STK3: variants seen among roughly 807,000 people sequenced by gnomAD.
The protein encoded by STK3 is serine/threonine kinase 3, also known as serine/threonine-protein kinase 3.
A neutral mutation model predicts 58.0 loss-of-function variants in STK3; 41 were observed. The ratio of observed to expected loss-of-function variants is 0.71; its 90% CI spans 0.55 to 0.92. The LOEUF (loss-of-function observed/expected upper bound fraction) is 0.92. STK3 is among the 40% of genes least tolerant of loss of function. The probability of loss-of-function intolerance (pLI) is 0.00; values close to 1 mark genes in which losing one functional copy is unlikely to be tolerated. For synonymous variants in STK3, 170 were observed against 191.0 expected (o/e 0.89, Z 0.91); for missense variants, 479 against 602.7 (o/e 0.79, Z 2.15).
At chr8:98,653,803 T>C (rs1038465773) in intron 6 of STK3, among the ~76,000 whole-genome samples, 1 of 152,166 alleles carries the variant, frequency 6.6e-6, no homozygotes, top group Non-Finnish European at 1.5e-5. Flanking sequence ...AATCTCTGAA[T>C]AGAACAATAA....
At chr8:98,876,656 C>A (rs1837569620) in intron 3 of STK3, among the ~76,000 whole-genome samples, 1 of 152,154 alleles carries the variant, frequency 6.6e-6, no homozygotes, top group Non-Finnish European at 1.5e-5. Context: ...TCTCTTGAGG[C>A]CAGGATATTA....
At chr8:98,870,030 T>C (rs1837311206) in intron 3 of STK3, among the ~76,000 whole-genome samples, 1 of 152,122 alleles carries the variant, frequency 6.6e-6, no homozygotes, top group Non-Finnish European at 1.5e-5. Context: ...GTGTGTGATG[T>C]TCCCCACCCT....
At chr8:98,835,706 C>T (rs985408574) in intron 3 of STK3, among the ~76,000 whole-genome samples, 1 of 152,210 alleles carries the variant, frequency 6.6e-6, no homozygotes, top group Non-Finnish European at 1.5e-5. Flanking sequence ...CCAGCAAGTT[C>T]TGTCAGCATG....
At chr8:98,550,386 G>A (rs1026286618) in intron 8 of STK3, among the ~76,000 whole-genome samples, 8 of 152,010 alleles carry the variant, frequency 5.3e-5, no homozygotes, top group South Asian at 2.1e-4. Flanking sequence ...TACTTATTAC[G>A]TAAATACTTA....
chr8:98,725,050 G>A (rs4735574), intron 4 of STK3, among the ~76,000 whole-genome samples: 42,079 of 151,962 alleles, frequency 0.28, 6,450 homozygotes, highest in Admixed American at 0.41. Context: ...CAATACCTAT[G>A]TACAAAAGTT....
At position 98,539,718 on chromosome 8, in the gene STK3, T is replaced by C. The variant is rs7005411; in HGVS notation, c.1141+8251A>G. Among the ~76,000 whole-genome samples, 349 of 152,312 alleles carry C rather than the reference T, an allele frequency of 2.3e-3. 1 individual carries two copies. The highest frequency in any genetic ancestry group is 4.0e-3 in the Non-Finnish European group (271 of 68,028). The stretch of plus-strand genomic sequence containing the variant: ...ATGAAAGGTTAATATAAGTAAATAA[T>C]ATACAACCTAAACATAACCGGTTAT... On this transcript the variant is annotated intron_variant, in intron 9 of 10. Coordinates refer to ENST00000419617, the MANE Select transcript of STK3 (RefSeq NM_006281.4).
chr8:98,451,188 T>A (rs1233904193), downstream of STK3, among the ~76,000 whole-genome samples: 1 of 150,674 alleles, frequency 6.6e-6, no homozygotes, highest in Non-Finnish European at 1.5e-5. Context: ...TTAATGACAA[T>A]TTTTTTTTGT....
intron 3 of STK3, among the ~76,000 whole-genome samples, chr8:98,414,254 ACT>A (rs1157382920): frequency 2.6e-5 from 4 of 152,112 alleles, no homozygotes; most frequent in Non-Finnish European, 5.9e-5. Context: ...ACAGAGCAAG[ACT>A]CTGTCTCAAA....
rs998767826 is a variant in STK3 at position 98,822,047 on chromosome 8, C to A, written c.26+3468G>T. Among the ~76,000 whole-genome samples, 8 of 151,892 alleles carry A rather than the reference C, an allele frequency of 5.3e-5. No homozygotes were observed. The South Asian group carries it at 6.3e-4, about 12-fold the overall frequency. On this transcript the variant is annotated intron_variant, in intron 1 of 10. Transcript: ENST00000419617. The stretch of plus-strand genomic sequence containing the variant: ...ATACATACATATATATATACACACA[C>A]ATACATACACACACACACATACACA...
Position 98,586,936 on chromosome 8 carries a change from T to C in STK3, c.823-7147A>G, listed in dbSNP as rs926049299. 3.9e-5 allele frequency among the ~76,000 whole-genome samples: 6 copies of C among 152,138 alleles called. No individual in the cohort carries two copies. In the East Asian group the frequency reaches 1.2e-3, roughly 29 times the overall value. On this transcript the variant is annotated intron_variant, in intron 7 of 10. Coordinates refer to ENST00000419617, the MANE Select transcript of STK3 (RefSeq NM_006281.4). The stretch of plus-strand genomic sequence containing the variant: ...GTAGTTTGTATTTCTGTGGGATCGG[T>C]GTTGATATCCCCTTTATCATTTTTT...
intron 1 of STK3, among the ~76,000 whole-genome samples, chr8:98,897,088 T>C (rs1008751803): frequency 1.3e-5 from 2 of 152,058 alleles, no homozygotes; most frequent in Admixed American, 6.5e-5. Context: ...CAGATACACC[T>C]CCACTAGAAA....
chr8:98,804,016 T>C (rs1833753898), intron 1 of STK3, among the ~76,000 whole-genome samples: 1 of 152,174 alleles, frequency 6.6e-6, no homozygotes, highest in Non-Finnish European at 1.5e-5. Flanking sequence ...TTTCTTTTTT[T>C]TTTGAGACAG....
chr8:98,456,132 G>T, intron 10 of STK3, 132 bp from the exon 11 acceptor site: 1 of 944,510 alleles, frequency 1.1e-6, no homozygotes, highest in Non-Finnish European at 1.5e-6. Context: ...CATCATCTTT[G>T]AAGTATAGTT....
chr8:98,395,277 C>T (rs538963359), intron 3 of STK3, among the ~76,000 whole-genome samples: 125 of 151,772 alleles, frequency 8.2e-4, no homozygotes, highest in Non-Finnish European at 1.5e-3. Context: ...ATTACAAAAA[C>T]GAGGAAAAAT....
intron 1 of STK3, among the ~76,000 whole-genome samples, chr8:98,911,818 T>TA (rs1323028009): frequency 6.6e-6 from 1 of 151,236 alleles, no homozygotes; most frequent in African/African-American, 2.5e-5. Flanking sequence ...GGGAATTTTT[T>TA]AAAAAATGAA....
chr8:98,592,953 G>A lies in STK3; in HGVS notation c.822+3079C>T, dbSNP rs536520363. ...TAATTTTTGTATTTTTCGTATAGAC[G>A]GGGTTTCACTATGTTGGCCAGGCTG... On this transcript the variant is annotated intron_variant, in intron 7 of 10. Transcript: ENST00000419617. 3.3e-5 allele frequency among the ~76,000 whole-genome samples: 5 copies of A among 151,946 alleles called. No homozygotes were observed. In the East Asian group the frequency reaches 5.8e-4, roughly 18 times the overall value.
chr8:98,497,403 C>T (rs922207808), intron 10 of STK3, among the ~76,000 whole-genome samples: 29 of 151,828 alleles, frequency 1.9e-4, no homozygotes, highest in Admixed American at 6.6e-4. Context: ...ATTTTCTTAG[C>T]TATGATACCA....
At chr8:98,893,137 C>T (rs1227173111) in intron 1 of STK3, among the ~76,000 whole-genome samples, 1 of 152,050 alleles carries the variant, frequency 6.6e-6, no homozygotes, top group Non-Finnish European at 1.5e-5. Context: ...CCTGTAATCT[C>T]AGCTCTTTGG....
intron 6 of STK3, among the ~76,000 whole-genome samples, chr8:98,617,299 A>T (rs1268333463): frequency 3.5e-5 from 5 of 143,008 alleles, no homozygotes; most frequent in African/African-American, 1.3e-4. Flanking sequence ...AATCTCTGGG[A>T]CGCATTCAAA....
Sources: allele counts gnomAD v4.1 joint callset (sites outside exome capture counted in the v4.1 genomes callset), GRCh38; gene constraint gnomAD v4.1.1; transcripts MANE v1.5; gene names NCBI Gene and HGNC (gene_info 2026-07-23, HGNC 2026-07-21).